The following THSD7B variants were observed in gnomAD, a reference collection of about 807,000 sequenced individuals.
THSD7B encodes the protein thrombospondin type-1 domain-containing protein 7B.
THSD7B carries 138 observed loss-of-function variants against 213.6 expected under a neutral mutation model. The ratio of observed to expected loss-of-function variants is 0.65; its 90% CI spans 0.56 to 0.74. THSD7B has a LOEUF of 0.74. Ranked by LOEUF, THSD7B falls within the 30% of genes least tolerant of loss-of-function variation. The pLI is 0.00. For synonymous variants in THSD7B, 742 were observed against 687.0 expected, an observed-to-expected ratio of 1.08 and a Z score of -1.25; for missense variants, 1,931 against 1,991.5, an observed-to-expected ratio of 0.97 and a Z score of 0.58.
chr2:136,787,051 T>C (rs2104910920), intron 1 of THSD7B, among the ~76,000 whole-genome samples: 1 of 152,276 alleles, frequency 6.6e-6, no homozygotes, highest in Non-Finnish European at 1.5e-5. Context: ...GAACTGAACC[T>C]AAAATTCAGA....
At chr2:137,052,003 T>C (rs1687078743) in intron 2 of THSD7B, among the ~76,000 whole-genome samples, 1 of 152,198 alleles carries the variant, frequency 6.6e-6, no homozygotes, top group African/African-American at 2.4e-5. Context: ...TGTGCTTTTC[T>C]GCTTCTAGCA....
intron 2 of THSD7B, among the ~76,000 whole-genome samples, chr2:137,019,393 C>T (rs1686399830): frequency 6.6e-6 from 1 of 152,190 alleles, no homozygotes; most frequent in African/African-American, 2.4e-5. Flanking sequence ...GCTTAAAAAT[C>T]CTTTTGTGGC....
intron 2 of THSD7B, among the ~76,000 whole-genome samples, chr2:137,030,995 T>C (rs911818080): frequency 6.6e-6 from 1 of 152,220 alleles, no homozygotes; most frequent in Non-Finnish European, 1.5e-5. Context: ...ATTGTTATTG[T>C]ATTAATAATT....
intron 15 of THSD7B, among the ~76,000 whole-genome samples, chr2:137,554,334 C>T (rs907314082): frequency 6.6e-6 from 1 of 152,238 alleles, no homozygotes; most frequent in African/African-American, 2.4e-5. Flanking sequence ...CATGGAAACA[C>T]ACCCTCTCCC....
At chr2:137,577,957 G>C (rs1326493377) in intron 17 of THSD7B, among the ~76,000 whole-genome samples, 1 of 152,192 alleles carries the variant, frequency 6.6e-6, no homozygotes, top group Admixed American at 6.5e-5. Flanking sequence ...ACATCTAAAA[G>C]TGATGGAATA....
In THSD7B at chr2:137,148,831, C is replaced by T. The variant is rs1679758927; in HGVS notation, c.1370-11382C>T. On this transcript the variant is annotated intron_variant, in intron 5 of 27. Coordinates refer to ENST00000409968, the MANE Select transcript of THSD7B (RefSeq NM_001316349.2). ...AGAGCATAAAAGTTTGGAAAACTTG[C>T]AGCCTGACGATGCCATTGAAAAGAA... Among the ~76,000 whole-genome samples the T allele has an allele frequency of 3.3e-5, 5 of 152,162 alleles. No individual in the cohort carries two copies. The South Asian group carries it at 1.0e-3, about 32-fold the overall frequency.
At chr2:136,781,551 T>A (rs1681744183) in intron 1 of THSD7B, among the ~76,000 whole-genome samples, 2 of 151,892 alleles carry the variant, frequency 1.3e-5, no homozygotes, top group Non-Finnish European at 2.9e-5. Context: ...GAATTACAGG[T>A]GTGAGCCACT....
At chr2:136,878,192 T>G (rs935879858) in intron 1 of THSD7B, among the ~76,000 whole-genome samples, 17 of 152,214 alleles carry the variant, frequency 1.1e-4, no homozygotes, top group Middle Eastern at 3.2e-3. Context: ...GTCCTTGCAA[T>G]AGTTTGCTGA....
At chr2:137,258,984 C>T (rs1682374834) in intron 10 of THSD7B, among the ~76,000 whole-genome samples, 1 of 152,124 alleles carries the variant, frequency 6.6e-6, no homozygotes, top group African/African-American at 2.4e-5. Context: ...TGACTTCTGG[C>T]TTCATCCATG....
chr2:137,054,813 T>C (rs1488462676), intron 2 of THSD7B, among the ~76,000 whole-genome samples: 1 of 151,936 alleles, frequency 6.6e-6, no homozygotes, highest in Admixed American at 6.6e-5. Context: ...GTGCTGAACA[T>C]GCAGGTTTGT....
At chr2:136,934,029 T>C (rs982544566) in intron 2 of THSD7B, among the ~76,000 whole-genome samples, 2 of 152,180 alleles carry the variant, frequency 1.3e-5, no homozygotes, top group Non-Finnish European at 2.9e-5. Flanking sequence ...AGCCTTTCTC[T>C]ACAAGCCTCA....
intron 17 of THSD7B, among the ~76,000 whole-genome samples, chr2:137,578,670 AC>A (rs1195223670): frequency 6.6e-6 from 1 of 152,024 alleles, no homozygotes; most frequent in Non-Finnish European, 1.5e-5. Flanking sequence ...CCCCCACCCC[AC>A]CCAAGCATTC....
At chr2:137,008,510 G>A (rs1163133669) in intron 2 of THSD7B, among the ~76,000 whole-genome samples, 1 of 152,096 alleles carries the variant, frequency 6.6e-6, no homozygotes, top group East Asian at 1.9e-4. Context: ...GAAGTGGTTG[G>A]TATAGTACTT....
chr2:137,101,193 A>G (rs2104924904), intron 4 of THSD7B, among the ~76,000 whole-genome samples: 1 of 152,102 alleles, frequency 6.6e-6, no homozygotes, highest in East Asian at 1.9e-4. Context: ...ATGTGCCACC[A>G]TGCCTGGCTG....
chr2:137,005,348 G>T (rs1213558585), intron 2 of THSD7B, among the ~76,000 whole-genome samples: 1 of 152,158 alleles, frequency 6.6e-6, no homozygotes, highest in Non-Finnish European at 1.5e-5. Context: ...GAAAAGTAGG[G>T]TATAATACAG....
At chr2:137,074,656 G>A (rs1005859500) in intron 3 of THSD7B, among the ~76,000 whole-genome samples, 12 of 152,048 alleles carry the variant, frequency 7.9e-5, no homozygotes, top group Non-Finnish European at 1.2e-4. Context: ...TTTGCTCGTT[G>A]GTTGATGCAG....
At position 137,384,905 on chromosome 2, in the gene THSD7B, A is replaced by C. The variant is rs192400411; in HGVS notation, c.2501-20708A>C. On this transcript the variant is annotated intron_variant, in intron 12 of 27. Transcript: ENST00000409968. ...TGGCCCCTACAAACTGGTTCACCCCAACAGGTGCCGAGATGGGGTGGGATG... is the reference window on the plus strand; with the variant it reads ...TGGCCCCTACAAACTGGTTCACCCCCACAGGTGCCGAGATGGGGTGGGATG... Among the ~76,000 whole-genome samples the C allele has an allele frequency of 2.2e-3, 330 of 152,228 alleles. 2 individuals are homozygous for C. The highest frequency in any genetic ancestry group is 0.02 in the Middle Eastern group (6 of 294).
chr2:136,801,119 A>G (rs2104921788), intron 1 of THSD7B, among the ~76,000 whole-genome samples: 1 of 152,146 alleles, frequency 6.6e-6, no homozygotes, highest in African/African-American at 2.4e-5. Flanking sequence ...CAAATAATTG[A>G]TCACCTGGAA....
intron 17 of THSD7B, among the ~76,000 whole-genome samples, chr2:137,601,874 C>A (rs1040928800): frequency 6.6e-6 from 1 of 152,182 alleles, no homozygotes; most frequent in Non-Finnish European, 1.5e-5. Flanking sequence ...CATTCAGGAG[C>A]CAACATCTGT....
Sources: gnomAD v4.1 joint callset for allele counts (sites outside exome capture counted in the v4.1 genomes callset) on GRCh38, gnomAD v4.1.1 for gene constraint, MANE v1.5 for transcripts, NCBI Gene and HGNC (gene_info 2026-07-23, HGNC 2026-07-21) for gene names.